Variants in CCDC171 observed in about 807,000 individuals in gnomAD.
CCDC171 encodes coiled-coil domain containing 171.
CCDC171 carries 177 observed loss-of-function variants against 168.2 expected under a neutral mutation model. That is an observed-to-expected ratio of 1.05 (90% CI 0.93 to 1.19). The LOEUF is 1.19. Ranked by LOEUF, CCDC171 falls within the 50% of genes most tolerant of loss-of-function variation. The pLI is 0.00. For missense variants in CCDC171, 1,991 were observed against 1,539.0 expected (o/e 1.29, Z -4.91); for synonymous variants, 687 against 540.8 (o/e 1.27, Z -3.75).
At chr9:15,713,315 A>T (rs2052818425) in intron 11 of CCDC171, among the ~76,000 whole-genome samples, 1 of 149,678 alleles carries the variant, frequency 6.7e-6, no homozygotes. Flanking sequence ...AACCAAGCCC[A>T]TTTTTTTTTT....
Position 15,554,581 on chromosome 9 carries a change from T to G in CCDC171, c.-112+1279T>G, listed in dbSNP as rs181912973. On this transcript the variant is annotated intron_variant, in intron 1 of 25. Coordinates refer to ENST00000380701, the MANE Select transcript of CCDC171 (RefSeq NM_173550.4). ...TATCTGTCAGATAAGGAGGAAGGAC[T>G]TAGTCTCTAAAGTCTCATTTGATTC... 1.7e-3 allele frequency among the ~76,000 whole-genome samples: 260 copies of G among 152,280 alleles called. 1 individual carries two copies. The highest frequency in any genetic ancestry group is 5.5e-3 in the African/African-American group (227 of 41,562).
rs1261826257 is a variant in CCDC171, at chr9:15,820,101, A to T, written c.3268-26601A>T. On this transcript the variant is annotated intron_variant, in intron 21 of 25. Coordinates refer to ENST00000380701, the MANE Select transcript of CCDC171 (RefSeq NM_173550.4). Reference sequence around the variant, plus strand: ...GCTCCTGAATGACTACTGGGTACATAACAAAATGAAGGCAGAAATAAAGGT... The same window carrying T: ...GCTCCTGAATGACTACTGGGTACATTACAAAATGAAGGCAGAAATAAAGGT... 3.3e-4 allele frequency among the ~76,000 whole-genome samples: 39 copies of T among 118,272 alleles called. 12 individuals are homozygous for T. Among genetic ancestry groups the T allele is most frequent in the African/African-American group, 1.2e-3 (39 of 31,518 alleles). The allele number at this position is 118,272 out of a possible 152,430, so 77.6% of individuals were successfully genotyped here.
chr9:15,836,137 A>G (rs1380668380), intron 21 of CCDC171, among the ~76,000 whole-genome samples: 6 of 152,164 alleles, frequency 3.9e-5, no homozygotes, highest in Non-Finnish European at 8.8e-5. Context: ...TTATATAAAT[A>G]TTAAATTGCC....
chr9:16,049,989 C>T (rs768847022), intron 1 of CCDC171, among the ~76,000 whole-genome samples: 8 of 152,308 alleles, frequency 5.3e-5, no homozygotes, highest in South Asian at 2.1e-4. Context: ...CTAGTTCAAG[C>T]GATTCTCCCA....
intron 21 of CCDC171, among the ~76,000 whole-genome samples, chr9:15,798,308 TTTCTC>T (rs1242918418): frequency 6.6e-6 from 1 of 152,186 alleles, no homozygotes; most frequent in Non-Finnish European, 1.5e-5. Flanking sequence ...TATTTTCTCT[TTTCTC>T]TAGTTAGGAG....
At chr9:15,917,065 C>T (rs1824631254) in intron 24 of CCDC171, among the ~76,000 whole-genome samples, 1 of 151,958 alleles carries the variant, frequency 6.6e-6, no homozygotes, top group Admixed American at 6.6e-5. Context: ...GAGGGTTAGA[C>T]AGTCAGACTG....
chr9:15,770,116 G>A (rs2056935753), intron 18 of CCDC171, among the ~76,000 whole-genome samples: 1 of 152,116 alleles, frequency 6.6e-6, no homozygotes, highest in South Asian at 2.1e-4. Context: ...AACTATCGAA[G>A]CTTTAATTAT....
intron 2 of CCDC171, among the ~76,000 whole-genome samples, chr9:15,565,187 C>T (rs1341242642): frequency 6.7e-6 from 1 of 149,868 alleles, no homozygotes; most frequent in Admixed American, 6.7e-5. Flanking sequence ...CTCCCGAGTT[C>T]AAGTGATTCC....
chr9:15,732,764 T>G (rs1422448066), intron 16 of CCDC171, among the ~76,000 whole-genome samples: 1 of 152,144 alleles, frequency 6.6e-6, no homozygotes, highest in Non-Finnish European at 1.5e-5. Flanking sequence ...TGGAAAGGTT[T>G]TTGTGTGATC....
intron 6 of CCDC171, among the ~76,000 whole-genome samples, chr9:15,608,064 G>T (rs1385210804): frequency 6.6e-6 from 1 of 152,134 alleles, no homozygotes; most frequent in Non-Finnish European, 1.5e-5. Flanking sequence ...GCATGCTGGT[G>T]GGCTGAGTGT....
At chr9:15,942,809 TAGAG>T (rs1039996735) in intron 25 of CCDC171, among the ~76,000 whole-genome samples, 2 of 151,818 alleles carry the variant, frequency 1.3e-5, no homozygotes, top group Admixed American at 6.6e-5. Context: ...AGAAGAAATA[TAGAG>T]AAAGATATAG....
chr9:15,637,739 G>A (rs1218099144), intron 7 of CCDC171, among the ~76,000 whole-genome samples: 8 of 151,104 alleles, frequency 5.3e-5, no homozygotes, highest in Admixed American at 1.3e-4. Flanking sequence ...CTGTCCTTGC[G>A]ATAGTTTACT....
rs189467072 is a variant in CCDC171 at position 15,963,819 on chromosome 9, C to A, written c.3754-7790C>A. The stretch of plus-strand genomic sequence containing the variant: ...TTAGTAATAGAGCCTCTGAATGTTA[C>A]CTGGGCTGCTCAGGAAACAAACAAA... On this transcript the variant is annotated intron_variant, in intron 25 of 25. Transcript: ENST00000380701. Among the ~76,000 whole-genome samples, 137 of 152,256 alleles carry A rather than the reference C, an allele frequency of 9.0e-4. 1 individual carries two copies. Among genetic ancestry groups the A allele is most frequent in the Non-Finnish European group, 1.6e-4 (11 of 68,030 alleles).
intron 11 of CCDC171, among the ~76,000 whole-genome samples, chr9:15,698,589 A>G (rs995246911): frequency 6.6e-6 from 1 of 151,766 alleles, no homozygotes; most frequent in Non-Finnish European, 1.5e-5. Context: ...AACTTAACAT[A>G]ATGACCTCCA....
At chr9:15,649,973 A>G (rs1221949825) in intron 7 of CCDC171, among the ~76,000 whole-genome samples, 2 of 152,150 alleles carry the variant, frequency 1.3e-5, no homozygotes, top group African/African-American at 4.8e-5. Context: ...GGCACTATTC[A>G]CAATAGCAAA....
At chr9:15,794,591 A>G (rs1373770438) in intron 21 of CCDC171, among the ~76,000 whole-genome samples, 1 of 151,918 alleles carries the variant, frequency 6.6e-6, no homozygotes, top group Non-Finnish European at 1.5e-5. Flanking sequence ...ATCTTGAATT[A>G]TATCAGGTAA....
At chr9:15,655,833 C>T (rs1564149268) in intron 7 of CCDC171, among the ~76,000 whole-genome samples, 2 of 152,010 alleles carry the variant, frequency 1.3e-5, no homozygotes, top group Non-Finnish European at 1.5e-5. Context: ...GTCATTGGGG[C>T]AATGCAAATT....
chr9:15,579,604 A>G (rs1193530381), intron 4 of CCDC171, among the ~76,000 whole-genome samples: 1 of 152,224 alleles, frequency 6.6e-6, no homozygotes, highest in African/African-American at 2.4e-5. Context: ...ATCACTCATA[A>G]CAAGCACCCA....
intron 3 of CCDC171, among the ~76,000 whole-genome samples, chr9:15,999,500 ACC>A (rs1232481880): frequency 1.3e-5 from 2 of 152,002 alleles, no homozygotes; most frequent in Non-Finnish European, 2.9e-5. Flanking sequence ...AGGTTGAAGC[ACC>A]CGCACGCAGC....
Sources: allele counts gnomAD v4.1 joint callset (sites outside exome capture counted in the v4.1 genomes callset), GRCh38; gene constraint gnomAD v4.1.1; transcripts MANE v1.5; gene names NCBI Gene and HGNC (gene_info 2026-07-23, HGNC 2026-07-21).